The following THSD4 variants were observed in gnomAD, a reference collection of about 807,000 sequenced individuals.
THSD4 encodes thrombospondin type 1 domain containing 4.
A neutral mutation model predicts 119.0 loss-of-function variants in THSD4; 69 were observed. The ratio of observed to expected loss-of-function variants is 0.58; its 90% CI spans 0.48 to 0.71. The LOEUF (loss-of-function observed/expected upper bound fraction) is 0.71. THSD4 is among the 30% of genes least tolerant of loss of function. THSD4 has a pLI of 0.00. For synonymous variants in THSD4, 524 were observed against 540.4 expected, an observed-to-expected ratio of 0.97 and a Z score of 0.42; for missense variants, 1,393 against 1,391.1, an observed-to-expected ratio of 1.00 and a Z score of -0.02.
chr15:71,777,269 G>A lies in THSD4; in HGVS notation c.2952G>A (p.Val984=). ...NCKDKYYNCN[V]VVQARLCVYN... ...AGGACAAGTACTACAACTGCAACGT[G>A]GTGGTCCAGGCAAGACTCTGTGTCT... Residue 984 remains valine (V), a synonymous_variant, in exon 18 of 18, where the codon GTG becomes GTA. Coordinates refer to ENST00000261862, the MANE Select transcript of THSD4 (RefSeq NM_024817.3). 3 of 1,614,188 alleles carry A rather than the reference G, an allele frequency of 1.9e-6. No homozygotes were observed. Among genetic ancestry groups the A allele is most frequent in the African/African-American group, 1.3e-5 (1 of 75,048 alleles).
intron 8 of THSD4, among the ~76,000 whole-genome samples, chr15:71,713,147 C>T (rs919200963): frequency 8.5e-5 from 13 of 152,182 alleles, no homozygotes; most frequent in African/African-American, 2.2e-4. Flanking sequence ...TGACTGGAAT[C>T]GTCTTAATCC....
chr15:71,368,753 G>A (rs1264117706), intron 6 of THSD4, among the ~76,000 whole-genome samples: 1 of 152,148 alleles, frequency 6.6e-6, no homozygotes, highest in Non-Finnish European at 1.5e-5. Context: ...GCTTAGGATT[G>A]TCTTGGCTAT....
intron 7 of THSD4, among the ~76,000 whole-genome samples, chr15:71,592,211 G>A (rs538796697): frequency 5.9e-5 from 9 of 152,354 alleles, no homozygotes; most frequent in African/African-American, 2.2e-4. Context: ...AAGCAGAGAG[G>A]AAGTTTGGAT....
chr15:71,687,783 C>T (rs959558882), intron 8 of THSD4, among the ~76,000 whole-genome samples: 4 of 138,232 alleles, frequency 2.9e-5, no homozygotes, highest in African/African-American at 7.8e-5. Flanking sequence ...CAAACCAGCA[C>T]CTCAGAAATT....
intron 7 of THSD4, among the ~76,000 whole-genome samples, chr15:71,556,843 AGG>A (rs1172116751): frequency 6.6e-6 from 1 of 151,646 alleles, no homozygotes; most frequent in African/African-American, 2.4e-5. Flanking sequence ...AGTTTTATGT[AGG>A]AACTTTTGTA....
At chr15:71,144,430 G>A (rs993599510) in intron 2 of THSD4, among the ~76,000 whole-genome samples, 3 of 152,116 alleles carry the variant, frequency 2.0e-5, no homozygotes, top group Admixed American at 6.6e-5. Flanking sequence ...ACACACAGAC[G>A]CACACACATG....
chr15:71,406,884 A>G (rs1334808950), intron 6 of THSD4, among the ~76,000 whole-genome samples: 1 of 152,066 alleles, frequency 6.6e-6, no homozygotes, highest in African/African-American at 2.4e-5. Flanking sequence ...GGGTTTTGCC[A>G]TGTTGGCCAG....
intron 6 of THSD4, among the ~76,000 whole-genome samples, chr15:71,343,996 G>T (rs1697585511): frequency 6.6e-6 from 1 of 151,552 alleles, no homozygotes; most frequent in Non-Finnish European, 1.5e-5. Context: ...GTGGGGTGGG[G>T]GTGGGGGTTA....
chr15:71,610,312 C>T (rs1357352256), intron 7 of THSD4, among the ~76,000 whole-genome samples: 1 of 152,212 alleles, frequency 6.6e-6, no homozygotes, highest in South Asian at 2.1e-4. Context: ...ATCTTCATCT[C>T]TCCCCTTGGT....
intron 7 of THSD4, among the ~76,000 whole-genome samples, chr15:71,645,407 A>T (rs889222650): frequency 6.6e-6 from 1 of 152,140 alleles, no homozygotes; most frequent in South Asian, 2.1e-4. Context: ...ATCAGATCTC[A>T]TGAGAACTTA....
chr15:71,265,918 A>C (rs1029526039), intron 6 of THSD4, among the ~76,000 whole-genome samples: 1 of 152,126 alleles, frequency 6.6e-6, no homozygotes, highest in Non-Finnish European at 1.5e-5. Flanking sequence ...ATTCCTCCTC[A>C]CTGGGCAGGG....
At chr15:71,239,715 C>A (rs544332080) in intron 4 of THSD4, among the ~76,000 whole-genome samples, 5 of 152,220 alleles carry the variant, frequency 3.3e-5, no homozygotes, top group Non-Finnish European at 5.9e-5. Flanking sequence ...TTACTGGCCA[C>A]ACAGATCGCC....
chr15:71,246,104 ACT>A (rs201080113), intron 5 of THSD4, among the ~76,000 whole-genome samples: 1 of 152,158 alleles, frequency 6.6e-6, no homozygotes, highest in Non-Finnish European at 1.5e-5. Context: ...ACACGGAGGA[ACT>A]GAGTTTCCTT....
At chr15:71,671,801 T>G (rs887851435) in intron 8 of THSD4, among the ~76,000 whole-genome samples, 1 of 152,186 alleles carries the variant, frequency 6.6e-6, no homozygotes, top group African/African-American at 2.4e-5. Context: ...TGTAGATATG[T>G]GGTGTTATTT....
intron 7 of THSD4, among the ~76,000 whole-genome samples, chr15:71,485,571 G>A (rs968986145): frequency 1.3e-5 from 2 of 152,120 alleles, no homozygotes; most frequent in African/African-American, 4.8e-5. Context: ...TACCAGCCTT[G>A]CTGGGCAGAA....
chr15:71,344,038 CTTTT>C (rs34729777), intron 6 of THSD4, among the ~76,000 whole-genome samples: 5 of 120,514 alleles, frequency 4.1e-5, no homozygotes, highest in Non-Finnish European at 3.5e-5. Flanking sequence ...AGCCAGGATT[CTTTT>C]TTTTTTTTTT....
chr15:71,114,574 A>G (rs2040337269), upstream of THSD4, among the ~76,000 whole-genome samples: 1 of 152,092 alleles, frequency 6.6e-6, no homozygotes, highest in Admixed American at 6.5e-5. Context: ...GAATGTAAAG[A>G]ATTTGGCTCT....
At chr15:71,529,423 A>T (rs538479490) in intron 7 of THSD4, among the ~76,000 whole-genome samples, 1 of 152,316 alleles carries the variant, frequency 6.6e-6, no homozygotes, top group African/African-American at 2.4e-5. Flanking sequence ...CAAATGTCAT[A>T]ATTACTTATC....
intron 8 of THSD4, among the ~76,000 whole-genome samples, chr15:71,682,922 T>TCTTC (rs1295929503): frequency 2.5e-5 from 3 of 120,906 alleles, no homozygotes; most frequent in African/African-American, 9.9e-5. Context: ...TTCTTCTTCT[T>TCTTC]TTTTTTTTTT....
Sources: gnomAD v4.1 joint callset for allele counts (sites outside exome capture counted in the v4.1 genomes callset) on GRCh38, gnomAD v4.1.1 for gene constraint, MANE v1.5 for transcripts, NCBI Gene and HGNC (gene_info 2026-07-23, HGNC 2026-07-21) for gene names.